The following CAMTA1 variants were observed in gnomAD, a reference collection of about 807,000 sequenced individuals.
CAMTA1 encodes calmodulin binding transcription activator 1.
In CAMTA1, 27 loss-of-function variants were observed where a neutral mutation model predicts 170.9. That is an observed-to-expected ratio of 0.16 (90% CI 0.12 to 0.22). The LOEUF is 0.22. CAMTA1 is among the 10% of genes least tolerant of loss of function. CAMTA1 has a pLI of 1.00. For missense variants in CAMTA1, 1,619 were observed against 2,217.2 expected (o/e 0.73, Z 5.42); for synonymous variants, 833 against 891.5 (o/e 0.93, Z 1.17).
rs1422155166 is a variant in CAMTA1 at position 7,732,693 on chromosome 1, G to A, written c.3066+94G>A. 6.9e-7 allele frequency: 1 copy of A among 1,455,022 alleles called. No homozygotes were observed. Among genetic ancestry groups the A allele is most frequent in the African/African-American group, 1.4e-5 (1 of 70,020 alleles). 90.1% of individuals were successfully genotyped at this position (1,455,022 alleles called of 1,614,324 possible). A position where few individuals can be genotyped will look rare whatever the true frequency, so the allele number is the denominator to read the frequency against. On this transcript the variant is annotated intron_variant, in intron 12 of 22. Coordinates refer to ENST00000303635, the MANE Select transcript of CAMTA1 (RefSeq NM_015215.4). This position sits in a 1 kb window ranked among gnomAD's most constrained non-coding sequence, Gnocchi z 4.1. The stretch of plus-strand genomic sequence containing the variant: ...GATCACAGGCCTCTTCTCTGCTGCT[G>A]ATGCGGTCCCTGTATTCAGGCAGAA...
chr1:7,105,347 C>T (rs929581442), intron 4 of CAMTA1, among the ~76,000 whole-genome samples: 2 of 152,202 alleles, frequency 1.3e-5, no homozygotes, highest in Non-Finnish European at 2.9e-5. Flanking sequence ...TACCCCCTGC[C>T]AGAAAGTTCG....
chr1:7,161,158 C>T (rs1647189576), intron 4 of CAMTA1, among the ~76,000 whole-genome samples: 1 of 152,130 alleles, frequency 6.6e-6, no homozygotes, highest in Non-Finnish European at 1.5e-5. Context: ...AAGATCCAAA[C>T]TCCTGAATTT....
At chr1:6,901,958 T>G (rs912789589) in intron 3 of CAMTA1, among the ~76,000 whole-genome samples, 2 of 150,180 alleles carry the variant, frequency 1.3e-5, no homozygotes, top group African/African-American at 4.9e-5. Context: ...GGCAGGAGAA[T>G]AGTTTGAACC....
rs1200829502 is a variant in CAMTA1 at position 7,532,779 on chromosome 1, C to T, written c.510+64878C>T. The stretch of plus-strand genomic sequence containing the variant: ...GTGGATGGATCAAGGGAGATTTAAT[C>T]CATGCTGGAGAAGAAGAAAGAAAGG... On this transcript the variant is annotated intron_variant, in intron 6 of 22. Transcript: ENST00000303635. This position sits in a 1 kb window ranked among gnomAD's most constrained non-coding sequence, Gnocchi z 4.2. 1.3e-5 allele frequency among the ~76,000 whole-genome samples: 2 copies of T among 152,120 alleles called. No homozygotes were observed. The highest frequency in any genetic ancestry group is 2.9e-5 in the Non-Finnish European group (2 of 68,020).
Position 6,940,538 on chromosome 1 carries a change from G to A in CAMTA1, c.234+115328G>A, listed in dbSNP as rs191945576. On this transcript the variant is annotated intron_variant, in intron 3 of 22. Transcript: ENST00000303635. The stretch of plus-strand genomic sequence containing the variant: ...AAATAATGTTTGGCTGAGTGTCTGG[G>A]AATCCTGTGATCCAGTCAAGCTGAC... Among the ~76,000 whole-genome samples, 240 of 152,288 alleles carry A rather than the reference G, an allele frequency of 1.6e-3. 1 individual carries two copies. Among genetic ancestry groups the A allele is most frequent in the African/African-American group, 5.2e-3 (214 of 41,538 alleles).
intron 11 of CAMTA1, among the ~76,000 whole-genome samples, chr1:7,715,176 G>C (rs2096599574): frequency 6.6e-6 from 1 of 152,152 alleles, no homozygotes; most frequent in Non-Finnish European, 1.5e-5. Flanking sequence ...AGGCCCGGGG[G>C]AATGGGCTGG....
intron 3 of CAMTA1, among the ~76,000 whole-genome samples, chr1:6,958,142 C>T (rs1422461928): frequency 6.6e-6 from 1 of 152,196 alleles, no homozygotes; most frequent in Non-Finnish European, 1.5e-5. Context: ...GGTAAGTGTG[C>T]ACCCTTTCCT....
chr1:7,287,604 C>A (rs1392611941), intron 5 of CAMTA1, among the ~76,000 whole-genome samples: 1 of 151,974 alleles, frequency 6.6e-6, no homozygotes, highest in Non-Finnish European at 1.5e-5. Flanking sequence ...ATCATCATCA[C>A]CACTGATATT....
intron 5 of CAMTA1, among the ~76,000 whole-genome samples, chr1:7,376,394 G>A (rs1027039117): frequency 2.0e-5 from 3 of 152,180 alleles, no homozygotes; most frequent in East Asian, 1.9e-4. Flanking sequence ...CAGGGGGCTC[G>A]CGAGGAGACT....
intron 5 of CAMTA1, among the ~76,000 whole-genome samples, chr1:7,353,736 T>A (rs942537170): frequency 6.6e-6 from 1 of 152,184 alleles, no homozygotes; most frequent in African/African-American, 2.4e-5. Context: ...AACTCTTTTT[T>A]AAATTTTATT....
intron 6 of CAMTA1, among the ~76,000 whole-genome samples, chr1:7,625,708 C>T (rs1021354261): frequency 6.6e-5 from 10 of 152,224 alleles, no homozygotes; most frequent in Non-Finnish European, 1.3e-4. Context: ...CAGGATGTGG[C>T]GATGAAGATG....
At chr1:7,255,080 T>G (rs1667164573) in intron 5 of CAMTA1, among the ~76,000 whole-genome samples, 1 of 152,076 alleles carries the variant, frequency 6.6e-6, no homozygotes, top group Non-Finnish European at 1.5e-5. Context: ...AAGTGGGAGA[T>G]GAACACTGAG....
At chr1:7,735,277 C>T (rs1333309520) in intron 12 of CAMTA1, among the ~76,000 whole-genome samples, 1 of 152,096 alleles carries the variant, frequency 6.6e-6, no homozygotes, top group African/African-American at 2.4e-5. Context: ...AGGCAGATCA[C>T]TTGAGATCGG....
chr1:7,544,753 C>T lies in CAMTA1; in HGVS notation c.510+76852C>T, dbSNP rs537728105. Among the ~76,000 whole-genome samples, 201 of 152,300 alleles carry T rather than the reference C, an allele frequency of 1.3e-3. 1 individual carries two copies. Among genetic ancestry groups the T allele is most frequent in the African/African-American group, 4.4e-3 (182 of 41,560 alleles). On this transcript the variant is annotated intron_variant, in intron 6 of 22. Coordinates refer to ENST00000303635, the MANE Select transcript of CAMTA1 (RefSeq NM_015215.4). ...TGCATCTGGTGAGGGTCTCACGCAGCTTCCACTCATGGTGGAAGGTGGGAG... is the reference window on the plus strand; with the variant it reads ...TGCATCTGGTGAGGGTCTCACGCAGTTTCCACTCATGGTGGAAGGTGGGAG...
chr1:6,978,149 A>G (rs1324790297), intron 3 of CAMTA1, among the ~76,000 whole-genome samples: 1 of 152,216 alleles, frequency 6.6e-6, no homozygotes, highest in Non-Finnish European at 1.5e-5. Flanking sequence ...ATAAGACCCT[A>G]GTATTCGATA....
chr1:7,496,608 T>C (rs987134612), intron 6 of CAMTA1, among the ~76,000 whole-genome samples: 4 of 152,128 alleles, frequency 2.6e-5, no homozygotes, highest in Non-Finnish European at 5.9e-5. Flanking sequence ...AGCATCTCCA[T>C]TGGGCTTTGC....
chr1:7,456,895 G>A lies in CAMTA1; in HGVS notation c.439-10935G>A, dbSNP rs1221611169. On this transcript the variant is annotated intron_variant, in intron 5 of 22. Coordinates refer to ENST00000303635, the MANE Select transcript of CAMTA1 (RefSeq NM_015215.4). The surrounding 1 kb of genome is among the most constrained non-coding windows in gnomAD (Gnocchi z 4.9). ...CTAAGCAGCAGGCGCTAGAGCTGAC[G>A]AGAACAGCCCATGTGGAGCGTGCAG... 6.6e-6 allele frequency among the ~76,000 whole-genome samples: 1 copy of A among 152,200 alleles called. No individual in the cohort carries two copies.
intron 11 of CAMTA1, among the ~76,000 whole-genome samples, chr1:7,711,829 C>T (rs1340690867): frequency 6.6e-6 from 1 of 152,150 alleles, no homozygotes; most frequent in Non-Finnish European, 1.5e-5. Flanking sequence ...AGTACTTAGC[C>T]TAAAACTGAT....
Position 7,250,413 on chromosome 1 carries a change from A to G in CAMTA1, c.438+787A>G, listed in dbSNP as rs563844529. ...CGTTCCTAACTGGTCCTGGGAAGGA[A>G]CTTCCCCTGGGAACAGGGAAGGCAT... On this transcript the variant is annotated intron_variant, in intron 5 of 22. Coordinates refer to ENST00000303635, the MANE Select transcript of CAMTA1 (RefSeq NM_015215.4). Among the ~76,000 whole-genome samples the G allele has an allele frequency of 2.0e-5, 3 of 152,300 alleles. No homozygotes were observed. In the South Asian group the frequency reaches 6.2e-4, roughly 32 times the overall value.
Sources: allele counts gnomAD v4.1 joint callset (sites outside exome capture counted in the v4.1 genomes callset), GRCh38; gene constraint gnomAD v4.1.1; non-coding constraint Gnocchi (gnomAD v3.1); transcripts MANE v1.5; gene names NCBI Gene and HGNC (gene_info 2026-07-23, HGNC 2026-07-21).